The following PARM1 variants were observed in gnomAD, a reference collection of about 807,000 sequenced individuals.
PARM1 encodes the protein WSC4, cell wall integrity and stress response component 4 homolog.
A neutral mutation model predicts 24.6 loss-of-function variants in PARM1; 14 were observed. The observed-to-expected ratio is 0.57, with a 90% CI of 0.38 to 0.89. PARM1 has a LOEUF of 0.89. Ranked by LOEUF, PARM1 falls within the 40% of genes least tolerant of loss-of-function variation. The probability of loss-of-function intolerance (pLI) is 0.00; values close to 1 mark genes in which losing one functional copy is unlikely to be tolerated. For missense variants in PARM1, 362 were observed against 380.4 expected (o/e 0.95, Z 0.40); for synonymous variants, 179 against 156.6 (o/e 1.14, Z -1.07).
Position 75,012,556 on chromosome 4 carries a change from G to T in PARM1, c.175G>T (p.Gly59Cys), listed in dbSNP as rs754934644. The part of the protein sequence containing the change: ...TDADTASPSN[G>C]THNNSVLPVT... ...TGCAGACACTGCCTCCCCATCCAACGGCACTCACAACAACTCGGTGCTCCC... is the reference window on the plus strand; with the variant it reads ...TGCAGACACTGCCTCCCCATCCAACTGCACTCACAACAACTCGGTGCTCCC... Residue 59 changes from glycine to cysteine, a missense_variant, in exon 2 of 4, where the codon GGC becomes TGC. Coordinates refer to ENST00000307428, the MANE Select transcript of PARM1 (RefSeq NM_015393.4). The T allele has an allele frequency of 8.7e-6, 14 of 1,613,704 alleles. No homozygotes were observed. Among genetic ancestry groups the T allele is most frequent in the African/African-American group, 1.3e-5 (1 of 74,850 alleles).
intron 1 of PARM1, among the ~76,000 whole-genome samples, chr4:74,939,014 G>A (rs944453749): frequency 2.0e-5 from 3 of 152,154 alleles, no homozygotes; most frequent in African/African-American, 7.2e-5. Context: ...AAAATAAACA[G>A]TGAATTCTAA....
At chr4:74,981,603 G>A (rs376663436) in intron 1 of PARM1, among the ~76,000 whole-genome samples, 11 of 152,202 alleles carry the variant, frequency 7.2e-5, no homozygotes, top group African/African-American at 1.2e-4. Flanking sequence ...AGGGCCAGGC[G>A]TGGTGGCTCA....
rs144370436 is a variant in PARM1 at position 74,937,018 on chromosome 4, A to G, written c.43+3648A>G. On this transcript the variant is annotated intron_variant, in intron 1 of 3. Coordinates refer to ENST00000307428, the MANE Select transcript of PARM1 (RefSeq NM_015393.4). ...TCCCTTGGTGATTAAGATGTAGATC[A>G]CCAGAGAGCTAGATTCCCAGTCTGC... is the stretch of plus-strand genomic sequence containing the variant. 1.0e-3 allele frequency among the ~76,000 whole-genome samples: 152 copies of G among 152,216 alleles called. No individual in the cohort carries two copies. In the East Asian group the frequency reaches 0.027, roughly 27 times the overall value.
chr4:75,034,372 T>C (rs905881698), intron 3 of PARM1, among the ~76,000 whole-genome samples: 2 of 152,222 alleles, frequency 1.3e-5, no homozygotes, highest in African/African-American at 4.8e-5. Context: ...AATACTGAAC[T>C]GTGGATTTGT....
chr4:75,028,895 T>G (rs1474313111), intron 2 of PARM1, among the ~76,000 whole-genome samples: 2 of 152,222 alleles, frequency 1.3e-5, no homozygotes, highest in Non-Finnish European at 2.9e-5. Context: ...TCAAATAAAA[T>G]GTTTATTTCA....
At chr4:74,991,017 C>T (rs1199847318) in intron 1 of PARM1, among the ~76,000 whole-genome samples, 3 of 152,086 alleles carry the variant, frequency 2.0e-5, no homozygotes, top group African/African-American at 7.2e-5. Flanking sequence ...CCAACTTTTC[C>T]AAGAGACCAA....
At chr4:74,964,493 A>G (rs1258181680) in intron 1 of PARM1, among the ~76,000 whole-genome samples, 2 of 152,048 alleles carry the variant, frequency 1.3e-5, no homozygotes, top group Non-Finnish European at 2.9e-5. Flanking sequence ...GCTCCCTCAG[A>G]TAAGCCTTCG....
intron 2 of PARM1, among the ~76,000 whole-genome samples, chr4:75,033,235 C>G (rs1723304372): frequency 6.6e-6 from 1 of 152,158 alleles, no homozygotes; most frequent in Non-Finnish European, 1.5e-5. Flanking sequence ...TCAAACTTCA[C>G]TTTAGTCTCT....
chr4:74,966,430 G>A (rs1033665524), intron 1 of PARM1, among the ~76,000 whole-genome samples: 3 of 152,172 alleles, frequency 2.0e-5, no homozygotes, highest in African/African-American at 7.2e-5. Flanking sequence ...TCCAGGGTAA[G>A]GGGAAGTTGC....
intron 1 of PARM1, among the ~76,000 whole-genome samples, chr4:75,000,704 A>G (rs1490046825): frequency 3.3e-5 from 5 of 152,256 alleles, no homozygotes; most frequent in Non-Finnish European, 5.9e-5. Flanking sequence ...AGAAGGCTAC[A>G]AAAGAGCCTT....
chr4:75,012,383 T>G (rs771307587), intron 1 of PARM1, 42 bp from the exon 2 acceptor site: 1 of 1,591,308 alleles, frequency 6.3e-7, no homozygotes, highest in Non-Finnish European at 8.6e-7. Flanking sequence ...CATATTACCG[T>G]GTTTTCACAT....
intron 2 of PARM1, among the ~76,000 whole-genome samples, chr4:75,024,459 A>T (rs529516921): frequency 6.6e-6 from 1 of 152,204 alleles, no homozygotes; most frequent in Admixed American, 6.5e-5. Flanking sequence ...TTCTGTGATT[A>T]AAAAAGATAA....
intron 3 of PARM1, among the ~76,000 whole-genome samples, chr4:75,037,098 G>A (rs991561589): frequency 1.3e-5 from 2 of 152,106 alleles, no homozygotes; most frequent in East Asian, 1.9e-4. Flanking sequence ...CCCATTAATC[G>A]TTCATCAAAA....
At chr4:75,031,778 T>A (rs1208658253) in intron 2 of PARM1, among the ~76,000 whole-genome samples, 4 of 152,200 alleles carry the variant, frequency 2.6e-5, no homozygotes, top group African/African-American at 7.2e-5. Context: ...AAAGGAGAAA[T>A]TAAATTAAAA....
chr4:74,975,638 G>A (rs1345968446), intron 1 of PARM1, among the ~76,000 whole-genome samples: 13 of 152,174 alleles, frequency 8.5e-5, no homozygotes, highest in South Asian at 4.1e-4. Flanking sequence ...TTATATTCAC[G>A]GGGCTAGGAG....
intron 2 of PARM1, among the ~76,000 whole-genome samples, chr4:75,025,358 C>T (rs1723163947): frequency 6.6e-6 from 1 of 152,196 alleles, no homozygotes; most frequent in African/African-American, 2.4e-5. Flanking sequence ...AGGTGGAAGA[C>T]AGCTGCTTTG....
At chr4:75,020,537 C>A (rs1475463335) in intron 2 of PARM1, among the ~76,000 whole-genome samples, 2 of 151,832 alleles carry the variant, frequency 1.3e-5, no homozygotes, top group Non-Finnish European at 1.5e-5. Flanking sequence ...GTCCACACAG[C>A]AGCCAGAGTG....
At chr4:75,043,002 T>G (rs1723528200) in intron 3 of PARM1, among the ~76,000 whole-genome samples, 1 of 152,004 alleles carries the variant, frequency 6.6e-6, no homozygotes, top group South Asian at 2.1e-4. Context: ...TACTAGTGTT[T>G]GTATAGGAGG....
At chr4:74,999,390 G>A (rs1722635635) in intron 1 of PARM1, among the ~76,000 whole-genome samples, 2 of 152,152 alleles carry the variant, frequency 1.3e-5, no homozygotes, top group Admixed American at 1.3e-4. Flanking sequence ...AGAATAGGTG[G>A]TAGAAGAGAA....
Sources: allele counts gnomAD v4.1 joint callset (sites outside exome capture counted in the v4.1 genomes callset), GRCh38; gene constraint gnomAD v4.1.1; transcripts MANE v1.5; gene names NCBI Gene and HGNC (gene_info 2026-07-23, HGNC 2026-07-21).